CACNB2: variants seen among roughly 807,000 people sequenced by gnomAD.
The protein encoded by CACNB2 is calcium voltage-gated channel auxiliary subunit beta 2.
Under a neutral mutation model 73.3 loss-of-function variants are expected in CACNB2, and 42 were observed. The ratio of observed to expected loss-of-function variants is 0.57; its 90% CI spans 0.45 to 0.74. CACNB2 has a LOEUF of 0.74. Ranked by LOEUF, CACNB2 falls within the 30% of genes least tolerant of loss-of-function variation. The probability of loss-of-function intolerance (pLI) is 0.00; values close to 1 mark genes in which losing one functional copy is unlikely to be tolerated. For synonymous variants in CACNB2, 348 were observed against 310.3 expected, an observed-to-expected ratio of 1.12 and a Z score of -1.28; for missense variants, 940 against 853.0, an observed-to-expected ratio of 1.10 and a Z score of -1.27.
At chr10:18,352,659 G>A (rs1373666534) in intron 2 of CACNB2, among the ~76,000 whole-genome samples, 2 of 152,192 alleles carry the variant, frequency 1.3e-5, no homozygotes, top group African/African-American at 4.8e-5. Context: ...TGAATTACAA[G>A]GGACTGCATA....
intron 2 of CACNB2, among the ~76,000 whole-genome samples, chr10:18,375,790 T>TA (rs1766124235): frequency 6.6e-6 from 1 of 152,176 alleles, no homozygotes; most frequent in Non-Finnish European, 1.5e-5. Flanking sequence ...AGTTTGTTGA[T>TA]ACGCTGAAAA....
chr10:18,238,960 C>T (rs939870797), intron 2 of CACNB2, among the ~76,000 whole-genome samples: 26 of 152,044 alleles, frequency 1.7e-4, no homozygotes, highest in African/African-American at 3.9e-4. Flanking sequence ...ATTACAGAGG[C>T]GATGTGAACC....
chr10:18,542,102 G>A lies in CACNB2; in HGVS notation c.*2378G>A, dbSNP rs1428180049. 1 of 152,056 alleles carries A rather than the reference G, an allele frequency of 6.6e-6. No individual in the cohort carries two copies. The highest frequency in any genetic ancestry group is 6.5e-5 in the Admixed American group (1 of 15,268). 9.4% of individuals were successfully genotyped at this position (152,056 alleles called of 1,614,324 possible). ...CCAGCTACTTGGGAGGCTGAGATAG[G>A]AGGATCCCTTGAGCCCAGGAGGTGG... On this transcript the variant is annotated 3_prime_UTR_variant, in exon 14 of 14. Coordinates refer to ENST00000324631, the MANE Select transcript of CACNB2 (RefSeq NM_201596.3).
At chr10:18,147,786 A>G (rs1368335875) in intron 1 of CACNB2, among the ~76,000 whole-genome samples, 2 of 151,872 alleles carry the variant, frequency 1.3e-5, no homozygotes, top group Admixed American at 6.6e-5. Flanking sequence ...CGTTTGGGAG[A>G]GGTTTGGCCT....
At chr10:18,418,717 T>G (rs987714342) in intron 3 of CACNB2, among the ~76,000 whole-genome samples, 1 of 151,890 alleles carries the variant, frequency 6.6e-6, no homozygotes, top group African/African-American at 2.4e-5. Flanking sequence ...GTCACTTCCC[T>G]TTTTTTTGGT....
intron 2 of CACNB2, among the ~76,000 whole-genome samples, chr10:18,347,645 T>TG (rs1423725051): frequency 1.6e-4 from 25 of 152,100 alleles, no homozygotes; most frequent in African/African-American, 6.0e-4. Flanking sequence ...ATACAGGTAA[T>TG]GCAGTATCCT....
At chr10:18,257,825 C>A (rs1049801532) in intron 2 of CACNB2, among the ~76,000 whole-genome samples, 1 of 152,156 alleles carries the variant, frequency 6.6e-6, no homozygotes. Context: ...CTCACTGCAA[C>A]CTCTGCCTCT....
At chr10:18,302,523 G>A (rs781132791) in intron 2 of CACNB2, among the ~76,000 whole-genome samples, 162 of 152,168 alleles carry the variant, frequency 1.1e-3, no homozygotes, top group Non-Finnish European at 2.0e-3. Flanking sequence ...GACATAAAAA[G>A]GAATGAATTA....
At chr10:18,374,299 G>A (rs2132314026) in intron 2 of CACNB2, among the ~76,000 whole-genome samples, 1 of 152,262 alleles carries the variant, frequency 6.6e-6, no homozygotes, top group South Asian at 2.1e-4. Flanking sequence ...AGGGAAAAAT[G>A]GAATCACAAG....
intron 2 of CACNB2, among the ~76,000 whole-genome samples, chr10:18,287,845 A>G (rs2038871375): frequency 6.6e-6 from 1 of 152,152 alleles, no homozygotes; most frequent in South Asian, 2.1e-4. Flanking sequence ...GTGAGACCCT[A>G]TCTCAAAAAC....
At chr10:18,419,549 A>G (rs570850623) in intron 3 of CACNB2, among the ~76,000 whole-genome samples, 31 of 152,282 alleles carry the variant, frequency 2.0e-4, no homozygotes, top group African/African-American at 5.3e-4. Flanking sequence ...CAGGGGTGGT[A>G]GTTGAGTCAG....
rs759412393 is a variant in CACNB2 at position 18,536,092 on chromosome 10, C to T, written c.1207-9C>T. ...TATTACTCTGTTAAAAACTCATTAT[C>T]TTTTACAGGTTTTACAAAGGTTAAT... is the stretch of plus-strand genomic sequence containing the variant. On this transcript the variant is annotated splice_polypyrimidine_tract_variant and intron_variant, in intron 11 of 13. Transcript: ENST00000324631. The T allele has an allele frequency of 1.3e-6, 2 of 1,544,580 alleles. No individual in the cohort carries two copies. The highest frequency in any genetic ancestry group is 1.4e-5 in the African/African-American group (1 of 73,332).
intron 6 of CACNB2, among the ~76,000 whole-genome samples, chr10:18,508,140 G>C (rs991169765): frequency 1.3e-5 from 2 of 151,826 alleles, no homozygotes; most frequent in African/African-American, 4.8e-5. Flanking sequence ...TGTTTATATA[G>C]AATTCCAAGT....
At chr10:18,485,857 A>G (rs1187841411) in intron 3 of CACNB2, among the ~76,000 whole-genome samples, 1 of 151,024 alleles carries the variant, frequency 6.6e-6, no homozygotes, top group African/African-American at 2.4e-5. Context: ...TGCTGGGATT[A>G]CTGATGTGAG....
chr10:18,150,855 C>CTTTAATTTTTTTTTT, intron 1 of CACNB2, 28 bp from the exon 2 acceptor site: 1 of 483,392 alleles, frequency 2.1e-6, no homozygotes, highest in Non-Finnish European at 3.1e-6. Flanking sequence ...TCTTATTTGT[C>CTTTAATTTTTTTTTT]TTTTTTTTTT....
Position 18,154,573 on chromosome 10 carries a change from T to C in CACNB2, c.213+3598T>C, listed in dbSNP as rs536393037. Among the ~76,000 whole-genome samples the C allele has an allele frequency of 3.3e-5, 5 of 152,254 alleles. No homozygotes were observed. In the South Asian group the frequency reaches 1.0e-3, roughly 32 times the overall value. Reference sequence around the variant, plus strand: ...ACCTCCATCTCCTGGGTTTAAGTAGTTCTCTTGCCTCAGCCTCCCCAGTAG... The same window carrying C: ...ACCTCCATCTCCTGGGTTTAAGTAGCTCTCTTGCCTCAGCCTCCCCAGTAG... On this transcript the variant is annotated intron_variant, in intron 2 of 13. Transcript: ENST00000324631.
intron 3 of CACNB2, among the ~76,000 whole-genome samples, chr10:18,463,117 G>T (rs1450936753): frequency 6.6e-6 from 1 of 152,104 alleles, no homozygotes; most frequent in East Asian, 1.9e-4. Context: ...TTCACAGATA[G>T]CAACAGCCTC....
Position 18,518,420 on chromosome 10 carries a change from G to C in CACNB2, c.885+4G>C. On this transcript the variant is annotated splice_donor_region_variant and intron_variant, in intron 8 of 13. Transcript: ENST00000324631. The stretch of plus-strand genomic sequence containing the variant: ...CCCTTCTCTGAAGGGCTACGAGGTG[G>C]GTAGCAGCCTTCCACAGGAAGCTTA... 6.3e-7 allele frequency: 1 copy of C among 1,588,262 alleles called. No homozygotes were observed.
At chr10:18,259,935 A>G (rs1178734770) in intron 2 of CACNB2, among the ~76,000 whole-genome samples, 1 of 152,116 alleles carries the variant, frequency 6.6e-6, no homozygotes. Flanking sequence ...AAATACTGGT[A>G]AAGTGTTGAG....
Sources: allele counts gnomAD v4.1 joint callset (sites outside exome capture counted in the v4.1 genomes callset), GRCh38; gene constraint gnomAD v4.1.1; transcripts MANE v1.5; gene names NCBI Gene and HGNC (gene_info 2026-07-23, HGNC 2026-07-21).